The following GABRB1 variants were observed in gnomAD, a reference collection of about 807,000 sequenced individuals.
GABRB1 encodes gamma-aminobutyric acid type A receptor subunit beta1, also known as gamma-aminobutyric acid receptor subunit beta-1.
Under a neutral mutation model 51.6 loss-of-function variants are expected in GABRB1, and 17 were observed. The ratio of observed to expected loss-of-function variants is 0.33; its 90% CI spans 0.23 to 0.49. The LOEUF is 0.49. Among genes scored for constraint, GABRB1 ranks in the 20% least tolerant of loss-of-function variants. GABRB1 has a pLI of 0.99. For missense variants in GABRB1, 410 were observed against 600.6 expected, an observed-to-expected ratio of 0.68 and a Z score of 3.32; for synonymous variants, 247 against 218.9, an observed-to-expected ratio of 1.13 and a Z score of -1.14.
chr4:47,008,788 A>G (rs1214869166), intron 1 of GABRB1, among the ~76,000 whole-genome samples: 1 of 145,120 alleles, frequency 6.9e-6, no homozygotes, highest in African/African-American at 2.5e-5. Flanking sequence ...CAATATTTTA[A>G]CTGGACTTTT....
At chr4:47,275,540 C>T (rs892745160) in intron 4 of GABRB1, among the ~76,000 whole-genome samples, 1 of 152,080 alleles carries the variant, frequency 6.6e-6, no homozygotes, top group Non-Finnish European at 1.5e-5. Context: ...ATGATAAAGT[C>T]TCAGCATAAG....
chr4:47,016,728 A>C (rs181522083), intron 1 of GABRB1, among the ~76,000 whole-genome samples: 109 of 152,118 alleles, frequency 7.2e-4, no homozygotes, highest in African/African-American at 2.4e-3. Context: ...ATCTGGGATT[A>C]CAGGCGCCGA....
intron 5 of GABRB1, among the ~76,000 whole-genome samples, chr4:47,346,871 T>C (rs568945373): frequency 1.3e-5 from 2 of 152,320 alleles, no homozygotes; most frequent in African/African-American, 4.8e-5. Flanking sequence ...TTTGTAAACA[T>C]TTTGTACCAG....
chr4:47,189,102 A>C (rs1010368160), intron 4 of GABRB1, among the ~76,000 whole-genome samples: 1 of 151,996 alleles, frequency 6.6e-6, no homozygotes, highest in Non-Finnish European at 1.5e-5. Flanking sequence ...TCCAAGGAAG[A>C]TTAAGAAATA....
intron 3 of GABRB1, among the ~76,000 whole-genome samples, chr4:47,115,000 C>G (rs1304708510): frequency 6.6e-6 from 1 of 152,140 alleles, no homozygotes; most frequent in Non-Finnish European, 1.5e-5. Flanking sequence ...TCTTTAAGCT[C>G]TTTAAATATG....
intron 8 of GABRB1, among the ~76,000 whole-genome samples, chr4:47,411,043 T>C (rs1728745760): frequency 6.6e-6 from 1 of 152,146 alleles, no homozygotes; most frequent in African/African-American, 2.4e-5. Context: ...TGGTGCATCA[T>C]TCAAAATATC....
chr4:47,355,666 G>A (rs728293), intron 5 of GABRB1, among the ~76,000 whole-genome samples: 62,436 of 151,960 alleles, frequency 0.41, 13,376 homozygotes, highest in Middle Eastern at 0.47. Flanking sequence ...TCTTCCCTGG[G>A]TTTCAATTTG....
intron 5 of GABRB1, among the ~76,000 whole-genome samples, chr4:47,401,775 G>C (rs540442083): frequency 6.6e-6 from 1 of 152,112 alleles, no homozygotes; most frequent in Non-Finnish European, 1.5e-5. Flanking sequence ...TGGGATCCAT[G>C]ATCTCCTGAA....
intron 3 of GABRB1, among the ~76,000 whole-genome samples, chr4:47,093,724 T>A (rs1714251902): frequency 6.6e-6 from 1 of 152,216 alleles, no homozygotes. Flanking sequence ...CCTATTAATA[T>A]TTGCATTGAA....
intron 1 of GABRB1, among the ~76,000 whole-genome samples, chr4:47,017,158 C>G (rs115350331): frequency 3.3e-5 from 5 of 152,070 alleles, no homozygotes; most frequent in Non-Finnish European, 5.9e-5. Flanking sequence ...ACTACATGTG[C>G]GGCCTTCTCC....
intron 3 of GABRB1, among the ~76,000 whole-genome samples, chr4:47,135,352 G>A (rs554884145): frequency 6.6e-6 from 1 of 152,174 alleles, no homozygotes; most frequent in South Asian, 2.1e-4. Context: ...TATTGACACT[G>A]AGTCATCCTT....
chr4:47,008,938 A>G (rs1423344140), intron 1 of GABRB1, among the ~76,000 whole-genome samples: 1 of 121,962 alleles, frequency 8.2e-6, no homozygotes, highest in Non-Finnish European at 1.6e-5. Flanking sequence ...ATCTCAGCTC[A>G]CTGCAAGCTC....
intron 4 of GABRB1, among the ~76,000 whole-genome samples, chr4:47,286,528 C>T (rs1723515632): frequency 6.6e-6 from 1 of 151,942 alleles, no homozygotes; most frequent in African/African-American, 2.4e-5. Flanking sequence ...CCTGCTACGC[C>T]AGAACACTTC....
chr4:47,043,864 A>G (rs935352005), intron 3 of GABRB1, among the ~76,000 whole-genome samples: 11 of 152,126 alleles, frequency 7.2e-5, no homozygotes. Flanking sequence ...GAGAGAGGAA[A>G]ACATAATGCT....
chr4:47,250,606 A>G (rs140048869), intron 4 of GABRB1, among the ~76,000 whole-genome samples: 1 of 152,252 alleles, frequency 6.6e-6, no homozygotes, highest in African/African-American at 2.4e-5. Flanking sequence ...AGGTTTGGTC[A>G]TTTAACATAA....
intron 1 of GABRB1, among the ~76,000 whole-genome samples, chr4:47,006,327 C>G (rs550784773): frequency 6.6e-6 from 1 of 151,944 alleles, no homozygotes; most frequent in Non-Finnish European, 1.5e-5. Flanking sequence ...TAAAATAATA[C>G]TATACATATA....
chr4:47,353,061 G>A lies in GABRB1; in HGVS notation c.544+32852G>A, dbSNP rs574736122. Among the ~76,000 whole-genome samples the A allele has an allele frequency of 1.4e-3, 214 of 152,254 alleles. 1 individual carries two copies. Among genetic ancestry groups the A allele is most frequent in the African/African-American group, 5.0e-3 (206 of 41,548 alleles). ...CACTTCTTACATGATGGCAGCAAGAGAAAATAAGGAAGATGCAAAAGCAGA... is the reference window on the plus strand; with the variant it reads ...CACTTCTTACATGATGGCAGCAAGAAAAAATAAGGAAGATGCAAAAGCAGA... On this transcript the variant is annotated intron_variant, in intron 5 of 8. Transcript: ENST00000295454.
At chr4:47,107,173 T>G (rs1484708958) in intron 3 of GABRB1, among the ~76,000 whole-genome samples, 1 of 152,086 alleles carries the variant, frequency 6.6e-6, no homozygotes. Flanking sequence ...ATCAAGGACA[T>G]CAGCTCAAAA....
At chr4:47,317,527 TATGATCATAG>T (rs1196703240) in intron 4 of GABRB1, among the ~76,000 whole-genome samples, 1 of 151,996 alleles carries the variant, frequency 6.6e-6, no homozygotes, top group Non-Finnish European at 1.5e-5. Flanking sequence ...AATTAACCCA[TATGATCATAG>T]GAACAGAAAG....
Sources: gnomAD v4.1 joint callset for allele counts (sites outside exome capture counted in the v4.1 genomes callset) on GRCh38, gnomAD v4.1.1 for gene constraint, MANE v1.5 for transcripts, NCBI Gene and HGNC (gene_info 2026-07-23, HGNC 2026-07-21) for gene names.